Variants in CSMD1 observed in about 807,000 individuals in gnomAD.
The protein encoded by CSMD1 is CUB and Sushi multiple domains 1.
CSMD1 carries 213 observed loss-of-function variants against 417.5 expected under a neutral mutation model. That is an observed-to-expected ratio of 0.51 (90% CI 0.46 to 0.57). CSMD1 has a LOEUF of 0.57. CSMD1 is among the 20% of genes least tolerant of loss of function. The pLI, the probability that CSMD1 is intolerant of heterozygous loss-of-function variation, is 0.00. For synonymous variants in CSMD1, 2,862 were observed against 1,736.8 expected (o/e 1.65, Z -16.11); for missense variants, 6,923 against 4,529.7 (o/e 1.53, Z -15.17).
intron 41 of CSMD1, among the ~76,000 whole-genome samples, chr8:3,126,338 C>A (rs571504539): frequency 6.6e-6 from 1 of 152,156 alleles, no homozygotes; most frequent in Non-Finnish European, 1.5e-5. Context: ...GCAAAGCCCT[C>A]GAGCAACTGC....
chr8:4,039,365 C>T (rs1797772634), intron 3 of CSMD1, among the ~76,000 whole-genome samples: 1 of 152,208 alleles, frequency 6.6e-6, no homozygotes, highest in African/African-American at 2.4e-5. Flanking sequence ...CTTCACCCCA[C>T]TCTCTCTCCT....
rs188968389 is a variant in CSMD1, at chr8:3,742,489, T to C, written c.931+11441A>G. Among the ~76,000 whole-genome samples the C allele has an allele frequency of 1.1e-4, 17 of 152,354 alleles. No homozygotes were observed. The East Asian group carries it at 3.3e-3, about 29-fold the overall frequency. ...CTGCGGTCTATGATTTATACATTTT[T>C]AAAAACATTTCTGATGGATAGTTGG... On this transcript the variant is annotated intron_variant, in intron 6 of 69. Coordinates refer to ENST00000635120, the MANE Select transcript of CSMD1 (RefSeq NM_033225.6).
At chr8:4,933,957 C>G (rs1283282461) in intron 1 of CSMD1, among the ~76,000 whole-genome samples, 1 of 152,032 alleles carries the variant, frequency 6.6e-6, no homozygotes, top group Non-Finnish European at 1.5e-5. Flanking sequence ...TTCATCTTTG[C>G]CCACACAGTC....
At chr8:4,163,623 G>A (rs924330568) in intron 3 of CSMD1, among the ~76,000 whole-genome samples, 2 of 152,064 alleles carry the variant, frequency 1.3e-5, no homozygotes, top group African/African-American at 2.4e-5. Context: ...AAACTCTGTT[G>A]ACTATCTACA....
intron 21 of CSMD1, among the ~76,000 whole-genome samples, 197 bp from the exon 22 acceptor site, chr8:3,348,358 A>T (rs1808156260): frequency 6.6e-6 from 1 of 152,074 alleles, no homozygotes; most frequent in Non-Finnish European, 1.5e-5. Flanking sequence ...CACCTAGCTC[A>T]TTTTGAAAAT....
At chr8:4,311,360 G>A (rs62480579) in intron 3 of CSMD1, among the ~76,000 whole-genome samples, 22,288 of 152,164 alleles carry the variant, frequency 0.15, 2,871 homozygotes, top group East Asian at 0.79. Flanking sequence ...CAACATGGAT[G>A]GAGCTGGAGG....
At chr8:3,722,554 G>C (rs568267440) in intron 6 of CSMD1, among the ~76,000 whole-genome samples, 2 of 152,058 alleles carry the variant, frequency 1.3e-5, no homozygotes, top group East Asian at 1.9e-4. Flanking sequence ...CTTACCTCTT[G>C]TCAATGTCTC....
Position 4,637,361 on chromosome 8 carries a change from G to T in CSMD1, c.283C>A (p.Gln95Lys), listed in dbSNP as rs777177694. The change falls in exon 2 of 70, where the codon CAA (glutamine) becomes AAA (lysine). Residue 95 changes from glutamine (Q) to lysine (K), a missense_variant. Coordinates refer to ENST00000635120, the MANE Select transcript of CSMD1 (RefSeq NM_033225.6). The part of the protein sequence containing the change: ...ILSVYDGQPQ[Q>K]GNLKVRLSGF... ...CCTTACCTCACTTTTAAATTCCCTTGTTGAGGCTGTCCATCGTAAACTGAT... is the reference window on the plus strand; with the variant it reads ...CCTTACCTCACTTTTAAATTCCCTTTTTGAGGCTGTCCATCGTAAACTGAT... 1 of 1,613,532 alleles carries T rather than the reference G, an allele frequency of 6.2e-7. No individual in the cohort carries two copies. The highest frequency in any genetic ancestry group is 1.7e-5 in the Admixed American group (1 of 60,030).
rs142416400 is a variant in CSMD1, at chr8:4,269,606, C to A, written c.415+150347G>T. The stretch of plus-strand genomic sequence containing the variant: ...AAAGCATCCTTCACATACAGTTTAA[C>A]CTCATTTTTTATACGTATATTGTAA... On this transcript the variant is annotated intron_variant, in intron 3 of 69. Coordinates refer to ENST00000635120, the MANE Select transcript of CSMD1 (RefSeq NM_033225.6). 2.6e-4 allele frequency among the ~76,000 whole-genome samples: 39 copies of A among 152,212 alleles called. 1 individual carries two copies. In the East Asian group the frequency reaches 7.5e-3, roughly 29 times the overall value.
intron 3 of CSMD1, among the ~76,000 whole-genome samples, chr8:4,120,295 A>G (rs1312394635): frequency 3.9e-5 from 6 of 152,220 alleles, no homozygotes; most frequent in Admixed American, 2.6e-4. Context: ...TTTATTATAT[A>G]TACTTCAGTG....
At chr8:3,838,162 A>G (rs1802827819) in intron 5 of CSMD1, among the ~76,000 whole-genome samples, 1 of 152,134 alleles carries the variant, frequency 6.6e-6, no homozygotes, top group Admixed American at 6.6e-5. Flanking sequence ...AGTATTGCAG[A>G]ATACAAATGA....
chr8:4,855,940 G>A (rs1230829603), intron 1 of CSMD1, among the ~76,000 whole-genome samples: 1 of 149,922 alleles, frequency 6.7e-6, no homozygotes, highest in Non-Finnish European at 1.5e-5. Flanking sequence ...CTCGAGAAGA[G>A]CAACTCCAAG....
At chr8:3,001,941 T>C (rs1807439108) in intron 52 of CSMD1, among the ~76,000 whole-genome samples, 1 of 151,138 alleles carries the variant, frequency 6.6e-6, no homozygotes, top group Admixed American at 6.6e-5. Flanking sequence ...AAACAAAGTT[T>C]AGAAACATTG....
chr8:3,822,333 T>C (rs1382085948), intron 5 of CSMD1, among the ~76,000 whole-genome samples: 1 of 152,166 alleles, frequency 6.6e-6, no homozygotes, highest in African/African-American at 2.4e-5. Flanking sequence ...CCCTGAAATC[T>C]TGACATCAAG....
intron 3 of CSMD1, among the ~76,000 whole-genome samples, chr8:4,314,367 T>C (rs779954804): frequency 2.0e-4 from 30 of 152,354 alleles, no homozygotes; most frequent in Non-Finnish European, 3.8e-4. Context: ...ATTTCCTACA[T>C]ATTTCTGTCA....
At chr8:4,586,787 G>T (rs897576631) in intron 2 of CSMD1, among the ~76,000 whole-genome samples, 6 of 152,194 alleles carry the variant, frequency 3.9e-5, no homozygotes, top group Admixed American at 1.3e-4. Context: ...GCTCCTCCAG[G>T]ATGATACTGG....
At chr8:4,203,951 A>G (rs903905542) in intron 3 of CSMD1, among the ~76,000 whole-genome samples, 2 of 151,982 alleles carry the variant, frequency 1.3e-5, no homozygotes, top group Non-Finnish European at 2.9e-5. Flanking sequence ...AAATACAAAA[A>G]TTAGCCAGGT....
At chr8:4,930,332 T>C (rs1807161769) in intron 1 of CSMD1, among the ~76,000 whole-genome samples, 1 of 152,170 alleles carries the variant, frequency 6.6e-6, no homozygotes, top group African/African-American at 2.4e-5. Flanking sequence ...TTCTGAACAC[T>C]GTAATAATGT....
chr8:3,465,354 G>C (rs1204398558), intron 12 of CSMD1, among the ~76,000 whole-genome samples: 2 of 152,190 alleles, frequency 1.3e-5, no homozygotes, highest in East Asian at 1.9e-4. Context: ...TCTTTGGGGA[G>C]TTAGAGACAG....
Sources: allele counts gnomAD v4.1 joint callset (sites outside exome capture counted in the v4.1 genomes callset), GRCh38; gene constraint gnomAD v4.1.1; transcripts MANE v1.5; gene names NCBI Gene and HGNC (gene_info 2026-07-23, HGNC 2026-07-21).